The following IGF2R variants were observed in gnomAD, a reference collection of about 807,000 sequenced individuals.
IGF2R encodes cation-independent mannose-6-phosphate receptor.
Under a neutral mutation model 270.6 loss-of-function variants are expected in IGF2R, and 91 were observed. The observed-to-expected ratio is 0.34, with a 90% CI of 0.28 to 0.40. IGF2R has a LOEUF of 0.40. Ranked by LOEUF, IGF2R falls within the 10% of genes least tolerant of loss-of-function variation. The probability of loss-of-function intolerance (pLI) is 1.00; values close to 1 mark genes in which losing one functional copy is unlikely to be tolerated. For missense variants in IGF2R, 2,805 were observed against 3,188.3 expected (o/e 0.88, Z 2.90); for synonymous variants, 1,316 against 1,258.9 (o/e 1.05, Z -0.96).
At chr6:160,036,573 T>G (rs1001472343) in intron 10 of IGF2R, among the ~76,000 whole-genome samples, 5 of 152,120 alleles carry the variant, frequency 3.3e-5, no homozygotes, top group African/African-American at 1.2e-4. Flanking sequence ...GCCGAGATCT[T>G]TGAGAGTGTG....
intron 12 of IGF2R, among the ~76,000 whole-genome samples, chr6:160,043,690 T>C (rs1444400273): frequency 2.0e-5 from 3 of 152,254 alleles, no homozygotes; most frequent in South Asian, 2.1e-4. Flanking sequence ...GTAGCCCTAG[T>C]GTAAGAGGGG....
chr6:159,972,365 T>C (rs1004434849), intron 1 of IGF2R, among the ~76,000 whole-genome samples: 4 of 152,218 alleles, frequency 2.6e-5, no homozygotes, highest in African/African-American at 9.6e-5. Context: ...ATTTCATACG[T>C]GGAATGTGTT....
At position 159,998,877 on chromosome 6, in the gene IGF2R, A is replaced by G. The variant is rs181088103; in HGVS notation, c.289+7554A>G. 6.6e-6 allele frequency among the ~76,000 whole-genome samples: 1 copy of G among 152,346 alleles called. No individual in the cohort carries two copies. Among genetic ancestry groups the G allele is most frequent in the East Asian group, 1.9e-4 (1 of 5,192 alleles). ...GTTGCACATTCATGTGCTAGGCCTA[A>G]TGTTTAAAAGTAAAATATCTCATTT... is the stretch of plus-strand genomic sequence containing the variant. On this transcript the variant is annotated intron_variant, in intron 2 of 47. Transcript: ENST00000356956. The surrounding 1 kb of genome is among the most constrained non-coding windows in gnomAD (Gnocchi z 4.1).
Position 160,080,161 on chromosome 6 carries a change from T to C in IGF2R, c.5719T>C (p.Phe1907Leu). 1 of 1,614,160 alleles carries C rather than the reference T, an allele frequency of 6.2e-7. No individual in the cohort carries two copies. The highest frequency in any genetic ancestry group is 8.5e-7 in the Non-Finnish European group (1 of 1,180,004). ...TGACGGCGTCCCCTGTGTCTTCCCCTTCATATTCAATGGGAAGAGCTACGA... is the reference window on the plus strand; with the variant it reads ...TGACGGCGTCCCCTGTGTCTTCCCCCTCATATTCAATGGGAAGAGCTACGA... Reference protein sequence around the residue: ...TDDGVPCVFPFIFNGKSYEEC... With the variant: ...TDDGVPCVFPLIFNGKSYEEC... The change falls in exon 39 of 48, where the codon TTC (phenylalanine) becomes CTC (leucine). Residue 1907 changes from phenylalanine (F) to leucine (L), a missense_variant. By Grantham distance (22) the Phe-to-Leu change is conservative. Transcript: ENST00000356956.
Position 160,050,776 on chromosome 6 carries a change from C to T in IGF2R, c.2694+124C>T, listed in dbSNP as rs373520010. Reference sequence around the variant, plus strand: ...CGGAGCTAGGCCAGTCTTAGTTCTGCTTAAGGTCAGTGTGCGGTATATATG... The same window carrying T: ...CGGAGCTAGGCCAGTCTTAGTTCTGTTTAAGGTCAGTGTGCGGTATATATG... On this transcript the variant is annotated intron_variant, in intron 19 of 47. Transcript: ENST00000356956. This position sits in a 1 kb window ranked among gnomAD's most constrained non-coding sequence, Gnocchi z 4.0. 1.4e-5 allele frequency: 11 copies of T among 798,796 alleles called. No individual in the cohort carries two copies. In the African/African-American group the frequency reaches 1.6e-4, roughly 11 times the overall value. The allele number at this position is 798,796 out of a possible 1,614,324, so 49.5% of individuals were successfully genotyped here.
In IGF2R at chr6:160,111,413, A is replaced by G. The variant is rs548216232; in HGVS notation, c.*6329A>G. 6.6e-6 allele frequency: 1 copy of G among 152,366 alleles called. No individual in the cohort carries two copies. Among genetic ancestry groups the G allele is most frequent in the East Asian group, 1.9e-4 (1 of 5,186 alleles). The allele number at this position is 152,366 out of a possible 1,614,324, so 9.4% of individuals were successfully genotyped here. On this transcript the variant is annotated 3_prime_UTR_variant, in exon 48 of 48. Coordinates refer to ENST00000356956, the MANE Select transcript of IGF2R (RefSeq NM_000876.4). ...ATGATGATCCACTTCCACTTAATAT[A>G]TAATAAATATATTTTCTCCTCATGA...
At chr6:160,019,297 G>C (rs748628322) in intron 4 of IGF2R, among the ~76,000 whole-genome samples, 1 of 151,992 alleles carries the variant, frequency 6.6e-6, no homozygotes, top group African/African-American at 2.4e-5. Context: ...AGTAATTTAA[G>C]AAAAACAAAA....
chr6:160,050,538 G>A lies in IGF2R; in HGVS notation c.2580G>A (p.Glu860=). The stretch of plus-strand genomic sequence containing the variant: ...TGGCAAAGACCGGCCCGGTGGTTGA[G>A]GACAGCGGCAGCCTCCTTCTGGAAT... The part of the protein sequence containing the change: ...LGMAKTGPVV[E]DSGSLLLEYV... The change falls in exon 19 of 48, where the codon GAG becomes GAA. Residue 860 remains glutamate (E), a synonymous_variant. Coordinates refer to ENST00000356956, the MANE Select transcript of IGF2R (RefSeq NM_000876.4). This position sits in a 1 kb window ranked among gnomAD's most constrained non-coding sequence, Gnocchi z 4.0. 6.2e-7 allele frequency: 1 copy of A among 1,614,140 alleles called. No individual in the cohort carries two copies. Among genetic ancestry groups the A allele is most frequent in the African/African-American group, 1.3e-5 (1 of 75,044 alleles).
chr6:160,072,939 C>A, intron 33 of IGF2R, 55 bp downstream of exon 33: 1 of 1,556,326 alleles, frequency 6.4e-7, no homozygotes, highest in South Asian at 1.2e-5. Context: ...CTGGGGTTGT[C>A]CTCAGTCTCT....
intron 45 of IGF2R, among the ~76,000 whole-genome samples, chr6:160,098,806 G>A (rs1369707299): frequency 3.3e-5 from 5 of 152,116 alleles, no homozygotes; most frequent in East Asian, 3.8e-4. Context: ...GTGACAGAGC[G>A]AGACTAGATC....
intron 9 of IGF2R, 26 bp from the exon 10 acceptor site, chr6:160,034,393 T>C: frequency 7.0e-7 from 1 of 1,433,296 alleles, no homozygotes; most frequent in South Asian, 1.1e-5. Flanking sequence ...CCAAACACAT[T>C]TGTCTGTGTA....
chr6:160,087,466 C>G (rs1779120067), intron 41 of IGF2R, among the ~76,000 whole-genome samples: 2 of 152,174 alleles, frequency 1.3e-5, no homozygotes, highest in South Asian at 4.1e-4. Context: ...GCTCAGCAAC[C>G]CAGGGCCACA....
intron 2 of IGF2R, chr6:160,007,756 T>A (rs1784266549): frequency 6.6e-6 from 1 of 152,236 alleles, no homozygotes; most frequent in South Asian, 2.1e-4. Flanking sequence ...ATGTAGAGAT[T>A]CTTGATGCTG....
At position 160,108,769 on chromosome 6, in the gene IGF2R, G is replaced by C. The variant is rs1365243685; in HGVS notation, c.*3685G>C. The C allele has an allele frequency of 3.9e-5, 6 of 152,064 alleles. No individual in the cohort carries two copies. Among genetic ancestry groups the C allele is most frequent in the African/African-American group, 1.5e-4 (6 of 41,316 alleles). The allele number at this position is 152,064 out of a possible 1,614,324, so 9.4% of individuals were successfully genotyped here. A position where few individuals can be genotyped will look rare whatever the true frequency, so the allele number is the denominator to read the frequency against. ...ATGATCTCGGCTCACTGCAATCTCT[G>C]CCTCCCGGGTTCAAGGGATTCTCCT... On this transcript the variant is annotated 3_prime_UTR_variant, in exon 48 of 48. Coordinates refer to ENST00000356956, the MANE Select transcript of IGF2R (RefSeq NM_000876.4).
chr6:160,018,595 A>G (rs1777358993), intron 4 of IGF2R, among the ~76,000 whole-genome samples: 1 of 152,166 alleles, frequency 6.6e-6, no homozygotes, highest in Non-Finnish European at 1.5e-5. Flanking sequence ...CAATAAATTG[A>G]AAAAAACCAA....
At position 160,075,923 on chromosome 6, in the gene IGF2R, C is replaced by T. The variant is rs1390503860; in HGVS notation, c.5243C>T (p.Thr1748Ile). Residue 1748 changes from threonine (T) to isoleucine (I), a missense_variant, in exon 36 of 48, where the codon ACT becomes ATT. By Grantham distance (89) the Thr-to-Ile change is moderately conservative. Around this residue, in one of 2 missense-constraint regions of IGF2R, gnomAD observed 1,851 missense variants for 2,207.2 expected, o/e 0.84. Transcript: ENST00000356956. Reference sequence around the variant, plus strand: ...ATTTACTTGAATTTTGAAAGCAGTACTCCTTGCTTAGCGGACAAGCATTTC... The same window carrying T: ...ATTTACTTGAATTTTGAAAGCAGTATTCCTTGCTTAGCGGACAAGCATTTC... ...NEIYLNFESS[T>I]PCLADKHFNY... The T allele has an allele frequency of 6.2e-7, 1 of 1,613,896 alleles. No individual in the cohort carries two copies.
intron 21 of IGF2R, 74 bp from the exon 22 acceptor site, chr6:160,058,832 T>G: frequency 7.8e-7 from 1 of 1,287,640 alleles, no homozygotes; most frequent in South Asian, 1.3e-5. Context: ...GGATTTGGAG[T>G]TGCTAGGGTT....
intron 10 of IGF2R, among the ~76,000 whole-genome samples, chr6:160,038,650 C>T (rs191571960): frequency 1.2e-4 from 19 of 152,196 alleles, no homozygotes; most frequent in South Asian, 2.1e-4. Context: ...GAGGCAGAGG[C>T]GCGTCACTGT....
intron 4 of IGF2R, among the ~76,000 whole-genome samples, chr6:160,016,668 C>A (rs995526589): frequency 1.3e-5 from 2 of 152,234 alleles, no homozygotes; most frequent in African/African-American, 4.8e-5. Flanking sequence ...CCTCACCACA[C>A]CCTGGCTACT....
Sources: gnomAD v4.1 joint callset for allele counts (sites outside exome capture counted in the v4.1 genomes callset) on GRCh38, gnomAD v4.1.1 for gene constraint, gnomAD v4.1.1 regional missense constraint, Gnocchi (gnomAD v3.1) non-coding constraint, MANE v1.5 for transcripts, NCBI Gene and HGNC (gene_info 2026-07-23, HGNC 2026-07-21) for gene names.